The following CRTC1 variants were observed in gnomAD, a reference collection of about 807,000 sequenced individuals.
The protein encoded by CRTC1 is CREB-regulated transcription coactivator 1.
CRTC1 carries 18 observed loss-of-function variants against 66.1 expected under a neutral mutation model. That is an observed-to-expected ratio of 0.27 (90% CI 0.19 to 0.40). The LOEUF (loss-of-function observed/expected upper bound fraction) is 0.40. CRTC1 is among the 10% of genes least tolerant of loss of function. CRTC1 has a pLI of 1.00. For missense variants in CRTC1, 669 were observed against 887.9 expected (o/e 0.75, Z 3.13); for synonymous variants, 416 against 398.8 (o/e 1.04, Z -0.51).
Position 18,689,629 on chromosome 19 carries a change from T to G in CRTC1, c.126+5801T>G, listed in dbSNP as rs1042590138. Among the ~76,000 whole-genome samples the G allele has an allele frequency of 3.9e-5, 5 of 128,544 alleles. No homozygotes were observed. The East Asian group carries it at 1.2e-3, about 32-fold the overall frequency. The allele number at this position is 128,544 out of a possible 152,430, so 84.3% of individuals were successfully genotyped here. A position where few individuals can be genotyped will look rare whatever the true frequency, so the allele number is the denominator to read the frequency against. On this transcript the variant is annotated intron_variant, in intron 1 of 13. Coordinates refer to ENST00000321949, the MANE Select transcript of CRTC1 (RefSeq NM_015321.3). ...ATTTTGACGTTTTTTAAGTATAAAATTCAGTGGCATTAAGTTTATTCCCAG... is the reference window on the plus strand; with the variant it reads ...ATTTTGACGTTTTTTAAGTATAAAAGTCAGTGGCATTAAGTTTATTCCCAG...
intron 6 of CRTC1, 102 bp from the exon 7 acceptor site, chr19:18,759,449 G>T: frequency 1.6e-6 from 2 of 1,246,164 alleles, no homozygotes; most frequent in South Asian, 1.3e-5. Flanking sequence ...TGCATCTCTG[G>T]GCTTTGTGGG....
At chr19:18,696,931 T>C (rs1394611896) in intron 1 of CRTC1, among the ~76,000 whole-genome samples, 1 of 71,170 alleles carries the variant, frequency 1.4e-5, no homozygotes, top group Non-Finnish European at 2.9e-5. Flanking sequence ...AGGGGAGGGG[T>C]GGGGGGTAGG....
chr19:18,740,871 G>T (rs1484114806), intron 1 of CRTC1, among the ~76,000 whole-genome samples: 1 of 152,108 alleles, frequency 6.6e-6, no homozygotes, highest in Admixed American at 6.5e-5. Flanking sequence ...AATTAGCCAG[G>T]CATGGTGCCT....
chr19:18,761,513 G>A (rs1027340391), intron 8 of CRTC1, among the ~76,000 whole-genome samples: 9 of 152,268 alleles, frequency 5.9e-5, no homozygotes, highest in African/African-American at 2.4e-5. Context: ...CTCTGCCCCA[G>A]GCTTGGAAGG....
chr19:18,703,643 A>G (rs1171291673), intron 1 of CRTC1, among the ~76,000 whole-genome samples: 1 of 151,936 alleles, frequency 6.6e-6, no homozygotes, highest in Non-Finnish European at 1.5e-5. Flanking sequence ...TTGCGTTTTT[A>G]GTAGAGATGG....
At chr19:18,692,476 C>G (rs1170589761) in intron 1 of CRTC1, among the ~76,000 whole-genome samples, 1 of 152,044 alleles carries the variant, frequency 6.6e-6, no homozygotes, top group African/African-American at 2.4e-5. Flanking sequence ...TGGCATGCAC[C>G]TGTAATCCCA....
At chr19:18,710,771 C>G (rs1187800787) in intron 1 of CRTC1, among the ~76,000 whole-genome samples, 1 of 152,128 alleles carries the variant, frequency 6.6e-6, no homozygotes, top group Non-Finnish European at 1.5e-5. Context: ...GCCACTGTGC[C>G]CGGCTAATTT....
intron 1 of CRTC1, 57 bp from the exon 2 acceptor site, chr19:18,742,853 C>A: frequency 7.5e-7 from 1 of 1,325,948 alleles, no homozygotes; most frequent in Non-Finnish European, 1.1e-6. Flanking sequence ...GGGGCTGGCA[C>A]TCTGAGGTGA....
chr19:18,751,290 G>A (rs529037137), intron 5 of CRTC1, among the ~76,000 whole-genome samples: 8 of 152,128 alleles, frequency 5.3e-5, no homozygotes, highest in African/African-American at 1.7e-4. Context: ...TTGGGAGGCC[G>A]AGGTGGGTGG....
Position 18,777,661 on chromosome 19 carries a change from T to C in CRTC1, c.*279T>C. 1 of 420,662 alleles carries C rather than the reference T, an allele frequency of 2.4e-6. No homozygotes were observed. The allele number at this position is 420,662 out of a possible 1,614,324, so 26.1% of individuals were successfully genotyped here. ...GCAGACCCTCCCTGCACTGGCTCCCTCGCCCCCAGCCCCGGGGCCTGAGCC... is the reference window on the plus strand; with the variant it reads ...GCAGACCCTCCCTGCACTGGCTCCCCCGCCCCCAGCCCCGGGGCCTGAGCC... On this transcript the variant is annotated 3_prime_UTR_variant, in exon 14 of 14. Transcript: ENST00000321949. The surrounding 1 kb of genome is among the most constrained non-coding windows in gnomAD (Gnocchi z 5.5).
At chr19:18,692,024 C>A (rs576371843) in intron 1 of CRTC1, among the ~76,000 whole-genome samples, 20 of 152,138 alleles carry the variant, frequency 1.3e-4, no homozygotes, top group Admixed American at 5.2e-4. Context: ...TCCCCACCCC[C>A]ACTCTTAGGA....
At chr19:18,756,317 G>T (rs2054484737) in intron 6 of CRTC1, among the ~76,000 whole-genome samples, 1 of 113,320 alleles carries the variant, frequency 8.8e-6, no homozygotes, top group Non-Finnish European at 1.7e-5. Context: ...TGGGCACCAA[G>T]AGCGAAAACT....
intron 1 of CRTC1, among the ~76,000 whole-genome samples, chr19:18,729,702 C>T (rs1317544685): frequency 2.6e-5 from 4 of 152,138 alleles, no homozygotes; most frequent in African/African-American, 9.7e-5. Flanking sequence ...GATTACACCA[C>T]TGCACTCCAG....
At chr19:18,747,615 A>G (rs912465747) in intron 4 of CRTC1, among the ~76,000 whole-genome samples, 4 of 152,206 alleles carry the variant, frequency 2.6e-5, no homozygotes, top group Non-Finnish European at 5.9e-5. Context: ...CCTGGGTGAC[A>G]GAGTGAGACT....
In CRTC1 at chr19:18,777,827, C is replaced by T. The variant is rs1045067215; in HGVS notation, c.*445C>T. On this transcript the variant is annotated 3_prime_UTR_variant, in exon 14 of 14. Transcript: ENST00000321949. This position sits in a 1 kb window ranked among gnomAD's most constrained non-coding sequence, Gnocchi z 5.5. ...AGCTCTCACTGCCTTCCTTGGTTCC[C>T]GGTCCCCCAGCCCATCCGCCATCCC... The T allele has an allele frequency of 4.5e-5, 13 of 289,976 alleles. No individual in the cohort carries two copies. Among genetic ancestry groups the T allele is most frequent in the Admixed American group, 1.1e-4 (2 of 18,252 alleles). The allele number at this position is 289,976 out of a possible 1,614,324, so 18.0% of individuals were successfully genotyped here.
At chr19:18,709,471 A>G (rs1005666786) in intron 1 of CRTC1, among the ~76,000 whole-genome samples, 1 of 152,126 alleles carries the variant, frequency 6.6e-6, no homozygotes, top group Admixed American at 6.5e-5. Flanking sequence ...CCAGGCCCAA[A>G]ATGGGGCCTA....
chr19:18,754,118 A>G (rs868067083), intron 6 of CRTC1, among the ~76,000 whole-genome samples: 2 of 151,426 alleles, frequency 1.3e-5, no homozygotes, highest in African/African-American at 4.9e-5. Flanking sequence ...AAAAAAAAAA[A>G]GAATTAAAAC....
At position 18,723,950 on chromosome 19, in the gene CRTC1, G is replaced by A. The variant is rs920273519; in HGVS notation, c.127-18960G>A. On this transcript the variant is annotated intron_variant, in intron 1 of 13. Coordinates refer to ENST00000321949, the MANE Select transcript of CRTC1 (RefSeq NM_015321.3). ...TCCGGGAGGGAGGATGCACGTTGGCGTGTTAATGGCGATGGCATTCCACCG... is the reference window on the plus strand; with the variant it reads ...TCCGGGAGGGAGGATGCACGTTGGCATGTTAATGGCGATGGCATTCCACCG... Among the ~76,000 whole-genome samples the A allele has an allele frequency of 9.2e-5, 14 of 152,348 alleles. No homozygotes were observed. In the East Asian group the frequency reaches 2.1e-3, roughly 23 times the overall value.
chr19:18,711,137 T>C (rs973029396), intron 1 of CRTC1, among the ~76,000 whole-genome samples: 8 of 152,200 alleles, frequency 5.3e-5, no homozygotes, highest in African/African-American at 1.7e-4. Flanking sequence ...CCAGCTTTGC[T>C]TGGCCACATG....
Sources: gnomAD v4.1 joint callset for allele counts (sites outside exome capture counted in the v4.1 genomes callset) on GRCh38, gnomAD v4.1.1 for gene constraint, Gnocchi (gnomAD v3.1) non-coding constraint, MANE v1.5 for transcripts, NCBI Gene and HGNC (gene_info 2026-07-23, HGNC 2026-07-21) for gene names.